Variants in RHPN2 observed in about 807,000 individuals in gnomAD.
RHPN2 encodes rhophilin-2.
In RHPN2, 40 loss-of-function variants were observed where a neutral mutation model predicts 79.0. That is an observed-to-expected ratio of 0.51 (90% CI 0.39 to 0.66). The LOEUF is 0.66. Ranked by LOEUF, RHPN2 falls within the 30% of genes least tolerant of loss-of-function variation. RHPN2 has a pLI of 0.00. For missense variants in RHPN2, 686 were observed against 883.5 expected (o/e 0.78, Z 2.83); for synonymous variants, 285 against 363.5 (o/e 0.78, Z 2.46).
chr19:33,031,184 G>A (rs1214249795), intron 2 of RHPN2, among the ~76,000 whole-genome samples: 1 of 146,920 alleles, frequency 6.8e-6, no homozygotes, highest in Non-Finnish European at 1.5e-5. Flanking sequence ...GAACCTCATC[G>A]TTCAGAATTT....
chr19:33,063,131 CAT>C (rs1346178764), intron 1 of RHPN2, among the ~76,000 whole-genome samples: 1 of 152,164 alleles, frequency 6.6e-6, no homozygotes, highest in African/African-American at 2.4e-5. Flanking sequence ...CGAGGACAGA[CAT>C]AGGAATTCCC....
Position 32,980,253 on chromosome 19 carries a change from T to A in RHPN2, c.1804A>T (p.Asn602Tyr), listed in dbSNP as rs770128123. The A allele has an allele frequency of 5.6e-6, 9 of 1,613,790 alleles. No individual in the cohort carries two copies. The highest frequency in any genetic ancestry group is 6.8e-6 in the Non-Finnish European group (8 of 1,179,856). The stretch of plus-strand genomic sequence containing the variant: ...CCCACGGAGTATGTGGCACTCTTAT[T>A]ATGCTGCACATAGAAAAGTAAGAAA... ...SLLDSTSSMH[N>Y]KSATYSVGMQ... Residue 602 changes from asparagine to tyrosine, a missense_variant, in exon 15 of 15, where the codon AAT becomes TAT. Transcript: ENST00000254260.
chr19:33,062,449 G>A (rs981571390), intron 1 of RHPN2, among the ~76,000 whole-genome samples: 2 of 150,452 alleles, frequency 1.3e-5, no homozygotes, highest in Admixed American at 1.3e-4. Context: ...GTGACAGAGC[G>A]AGACTCCATC....
At chr19:33,061,223 TTC>T (rs376633554) in intron 1 of RHPN2, among the ~76,000 whole-genome samples, 2 of 139,556 alleles carry the variant, frequency 1.4e-5, no homozygotes, top group African/African-American at 5.9e-5. Context: ...GCACCTGCCT[TTC>T]TTTTTTTTTT....
chr19:33,055,122 G>A (rs1202489361), intron 1 of RHPN2, among the ~76,000 whole-genome samples: 1 of 152,154 alleles, frequency 6.6e-6, no homozygotes, highest in Non-Finnish European at 1.5e-5. Context: ...CACTGAGATG[G>A]GAGGATTGCT....
chr19:32,983,519 A>T (rs1193723414), intron 14 of RHPN2, among the ~76,000 whole-genome samples: 2 of 151,776 alleles, frequency 1.3e-5, no homozygotes, highest in Non-Finnish European at 2.9e-5. Flanking sequence ...TCTCAAAAAA[A>T]AAAAAGTAAA....
chr19:32,980,988 G>A (rs1175901285), intron 14 of RHPN2, among the ~76,000 whole-genome samples: 13 of 151,898 alleles, frequency 8.6e-5, no homozygotes, highest in African/African-American at 2.7e-4. Flanking sequence ...ACAGACACCC[G>A]CCACCACACC....
intron 2 of RHPN2, among the ~76,000 whole-genome samples, chr19:33,041,925 G>A (rs563075505): frequency 6.6e-6 from 1 of 152,272 alleles, no homozygotes; most frequent in African/African-American, 2.4e-5. Context: ...GCTCACTCCT[G>A]AAATCCCAGC....
intron 6 of RHPN2, among the ~76,000 whole-genome samples, chr19:33,009,128 C>T (rs1216681550): frequency 6.6e-6 from 1 of 152,018 alleles, no homozygotes; most frequent in African/African-American, 2.4e-5. Context: ...AGGGGGAGCA[C>T]AAAGGATTTT....
chr19:33,063,469 G>A (rs965652381), intron 1 of RHPN2, among the ~76,000 whole-genome samples: 3 of 152,054 alleles, frequency 2.0e-5, no homozygotes, highest in African/African-American at 7.2e-5. Context: ...ATTCGTTTAT[G>A]GGAAAGTTTC....
intron 2 of RHPN2, among the ~76,000 whole-genome samples, chr19:33,035,544 C>A (rs755329292): frequency 5.9e-5 from 9 of 152,264 alleles, no homozygotes; most frequent in South Asian, 2.1e-4. Flanking sequence ...TTTGGTGCAA[C>A]CATGATTCAG....
At chr19:33,060,718 A>C (rs1972272788) in intron 1 of RHPN2, among the ~76,000 whole-genome samples, 1 of 152,128 alleles carries the variant, frequency 6.6e-6, no homozygotes, top group Non-Finnish European at 1.5e-5. Flanking sequence ...CTTCTTATAG[A>C]GATGGGGTCT....
intron 14 of RHPN2, among the ~76,000 whole-genome samples, chr19:32,988,591 C>G (rs1374074886): frequency 6.9e-6 from 1 of 145,474 alleles, no homozygotes; most frequent in Non-Finnish European, 1.5e-5. Context: ...AGGCCTCCTT[C>G]TTACCTCACT....
At chr19:33,059,094 C>CA (rs111269530) in intron 1 of RHPN2, among the ~76,000 whole-genome samples, 6,109 of 147,844 alleles carry the variant, frequency 0.041, 417 homozygotes, top group African/African-American at 0.14. Context: ...GACTCTGTCT[C>CA]AAAAAAAAAT....
intron 11 of RHPN2, among the ~76,000 whole-genome samples, chr19:32,995,110 T>C (rs1434544974): frequency 6.6e-6 from 1 of 152,150 alleles, no homozygotes; most frequent in Non-Finnish European, 1.5e-5. Context: ...TGTCGCTCTG[T>C]CGCCCAAGCT....
chr19:32,980,319 G>A (rs1027260031), intron 14 of RHPN2, 63 bp from the exon 15 acceptor site: 5 of 1,606,782 alleles, frequency 3.1e-6, no homozygotes, highest in Middle Eastern at 1.6e-4. Context: ...TAAAAACTAC[G>A]AAGTTTGGCC....
rs1568312930 is a variant in RHPN2 at position 33,002,297 on chromosome 19, T to C, written c.1055A>G (p.Tyr352Cys). ...AGTGAAGTAGTGGGCCAGGGCCGCG[T>C]AGTGGTGGGCCTTCACGCAGGCTAA... The part of the protein sequence containing the change: ...ASLACVKAHH[Y>C]AALAHYFTAI... The change falls in exon 9 of 15, where the codon TAC becomes TGC. Residue 352 changes from tyrosine to cysteine, a missense_variant. Tyr to Cys is a radical substitution (Grantham distance 194, BLOSUM62 -2). Transcript: ENST00000254260. The C allele has an allele frequency of 8.7e-6, 14 of 1,613,600 alleles. No individual in the cohort carries two copies. The highest frequency in any genetic ancestry group is 1.0e-5 in the Non-Finnish European group (12 of 1,179,858).
At chr19:33,031,376 C>T (rs1972010415) in intron 2 of RHPN2, among the ~76,000 whole-genome samples, 1 of 150,870 alleles carries the variant, frequency 6.6e-6, no homozygotes, top group Admixed American at 6.6e-5. Flanking sequence ...CCTCCCACCT[C>T]AGACTCCCAA....
chr19:32,994,013 G>C lies in RHPN2; in HGVS notation c.1461C>G (p.Phe487Leu), dbSNP rs771746367. The change falls in exon 12 of 15, where the codon TTC (phenylalanine) becomes TTG (leucine). Residue 487 changes from phenylalanine (F) to leucine (L), a missense_variant. Phe to Leu is a conservative substitution (Grantham distance 22). Transcript: ENST00000254260. ...EQEVDIILPQFSKLTVTDFFQ... is the reference protein window; with the variant it reads ...EQEVDIILPQLSKLTVTDFFQ... Reference sequence around the variant, plus strand: ...AGAAGTCCGTGACTGTCAGCTTGGAGAACTGGGGCAATATAATGTCAACCT... The same window carrying C: ...AGAAGTCCGTGACTGTCAGCTTGGACAACTGGGGCAATATAATGTCAACCT... 5 of 1,613,304 alleles carry C rather than the reference G, an allele frequency of 3.1e-6. No individual in the cohort carries two copies. The highest frequency in any genetic ancestry group is 4.2e-6 in the Non-Finnish European group (5 of 1,179,418).
Sources: gnomAD v4.1 joint callset for allele counts (sites outside exome capture counted in the v4.1 genomes callset) on GRCh38, gnomAD v4.1.1 for gene constraint, MANE v1.5 for transcripts, NCBI Gene and HGNC (gene_info 2026-07-23, HGNC 2026-07-21) for gene names.